Variants in ZSCAN30 observed in about 807,000 individuals in gnomAD.
The protein encoded by ZSCAN30 is zinc finger and SCAN domain containing 30, also known as zinc finger and SCAN domain-containing protein 30.
Under a neutral mutation model 44.3 loss-of-function variants are expected in ZSCAN30, and 37 were observed. The ratio of observed to expected loss-of-function variants is 0.84; its 90% confidence interval spans 0.64 to 1.10. The LOEUF is 1.10. ZSCAN30 is among the 50% of genes least tolerant of loss of function. ZSCAN30 has a pLI of 0.00. For synonymous variants in ZSCAN30, 181 were observed against 204.6 expected, an observed-to-expected ratio of 0.88 and a Z score of 0.98; for missense variants, 549 against 582.6, an observed-to-expected ratio of 0.94 and a Z score of 0.59.
intron 1 of ZSCAN30, chr18:35,283,810 T>G (rs141653189): frequency 6.6e-6 from 1 of 152,414 alleles, no homozygotes; most frequent in African/African-American, 2.4e-5. Context: ...TTGCCTGCAA[T>G]GTGGTGAGCA....
rs1252100416 is a variant in ZSCAN30 at position 35,280,752 on chromosome 18, C to T, written c.-104+9332G>A. The T allele has an allele frequency of 2.6e-5, 4 of 152,204 alleles. No individual in the cohort carries two copies. The East Asian group carries it at 5.8e-4, about 22-fold the overall frequency. 9.4% of individuals were successfully genotyped at this position (152,204 alleles called of 1,614,324 possible). A position where few individuals can be genotyped will look rare whatever the true frequency, so the allele number is the denominator to read the frequency against. On this transcript the variant is annotated intron_variant, in intron 1 of 3. Transcript: ENST00000333206. ...CATAATTTAAAGATCTTATTCACAA[C>T]AAACATGTTAATACTTGTTAATATT... is the stretch of plus-strand genomic sequence containing the variant.
intron 1 of ZSCAN30, among the ~76,000 whole-genome samples, chr18:35,285,790 T>C (rs1021621670): frequency 3.3e-5 from 5 of 150,956 alleles, no homozygotes; most frequent in Non-Finnish European, 7.4e-5. Context: ...CAACTTCCAC[T>C]TAAAGTAACC....
chr18:35,256,148 T>C (rs919520340), intron 3 of ZSCAN30: 1 of 152,418 alleles, frequency 6.6e-6, no homozygotes, highest in Admixed American at 6.5e-5. Context: ...TGTCCTCAGA[T>C]GTATACATCA....
chr18:35,256,021 G>A (rs2043797089), intron 3 of ZSCAN30, among the ~76,000 whole-genome samples: 1 of 152,138 alleles, frequency 6.6e-6, no homozygotes, highest in Non-Finnish European at 1.5e-5. Flanking sequence ...ATATAATTGT[G>A]TAGGGACAAA....
intron 1 of ZSCAN30, among the ~76,000 whole-genome samples, chr18:35,274,357 G>T (rs2044335468): frequency 6.6e-6 from 1 of 152,162 alleles, no homozygotes; most frequent in South Asian, 2.1e-4. Context: ...CTCTTCTAGA[G>T]AGAATCATTG....
At chr18:35,284,924 AG>A (rs1006168297) in intron 1 of ZSCAN30, 1 of 154,916 alleles carries the variant, frequency 6.5e-6, no homozygotes, top group Non-Finnish European at 1.5e-5. Flanking sequence ...CTGGTCTCCA[AG>A]AACACAGGGA....
rs943612561 is a variant in ZSCAN30 at position 35,275,686 on chromosome 18, T to A, written c.-103-11231A>T. ...TCTCTCTCTCCTGGATTCTTCCTGC[T>A]ATCTTTTACACATTACATATCTTTC... On this transcript the variant is annotated intron_variant, in intron 1 of 3. Coordinates refer to ENST00000333206, the MANE Select transcript of ZSCAN30 (RefSeq NM_001112734.4). Among the ~76,000 whole-genome samples, 7 of 152,344 alleles carry A rather than the reference T, an allele frequency of 4.6e-5. No individual in the cohort carries two copies. The Middle Eastern group carries it at 0.02, about 444-fold the overall frequency.
At position 35,251,525 on chromosome 18, in the gene ZSCAN30, C is replaced by T. The variant is rs1374804045; in HGVS notation, c.*1925G>A. ...ACAACAGCAGTGATATGGTTTGGCT[C>T]TTGTGTCCCCACCCAAATCTCCAAT... On this transcript the variant is annotated 3_prime_UTR_variant, in exon 4 of 4. Transcript: ENST00000333206. 1 of 152,160 alleles carries T rather than the reference C, an allele frequency of 6.6e-6. No individual in the cohort carries two copies. The highest frequency in any genetic ancestry group is 2.4e-5 in the African/African-American group (1 of 41,416). 9.4% of individuals were successfully genotyped at this position (152,160 alleles called of 1,614,324 possible).
intron 1 of ZSCAN30, among the ~76,000 whole-genome samples, chr18:35,288,777 G>A (rs868068067): frequency 1.3e-5 from 2 of 152,320 alleles, no homozygotes; most frequent in Middle Eastern, 6.8e-3. Context: ...CTGACCAGTG[G>A]AGGGGGCATT....
Position 35,252,623 on chromosome 18 carries a change from T to C in ZSCAN30, c.*827A>G, listed in dbSNP as rs2043638940. The C allele has an allele frequency of 6.6e-6, 1 of 152,202 alleles. No homozygotes were observed. The highest frequency in any genetic ancestry group is 2.4e-5 in the African/African-American group (1 of 41,452). The allele number at this position is 152,202 out of a possible 1,614,324, so 9.4% of individuals were successfully genotyped here. A position where few individuals can be genotyped will look rare whatever the true frequency, so the allele number is the denominator to read the frequency against. On this transcript the variant is annotated 3_prime_UTR_variant, in exon 4 of 4. Transcript: ENST00000333206. ...GCTACCTTCTACCCACCTTTATGTC[T>C]GAGATACCATCATATCCAGGAAGTC...
chr18:35,272,472 C>T (rs957314133), intron 1 of ZSCAN30, among the ~76,000 whole-genome samples: 1 of 151,818 alleles, frequency 6.6e-6, no homozygotes, highest in Non-Finnish European at 1.5e-5. Context: ...CTCATCCTAG[C>T]TGGGATTACA....
In ZSCAN30 at chr18:35,257,981, T is replaced by G. The variant is rs374738187; in HGVS notation, c.554-3600A>C. On this transcript the variant is annotated intron_variant, in intron 3 of 3. Transcript: ENST00000333206. ...AATCACCTGCACCCAAATCTCCATC[T>G]CAGGCGCTACTTCTGGCAAGGCATA... is the stretch of plus-strand genomic sequence containing the variant. The G allele has an allele frequency of 9.0e-6, 7 of 780,890 alleles. No individual in the cohort carries two copies. The East Asian group carries it at 1.2e-4, about 14-fold the overall frequency. 48.4% of individuals were successfully genotyped at this position (780,890 alleles called of 1,614,324 possible).
At chr18:35,288,530 C>T (rs1264104110) in intron 1 of ZSCAN30, among the ~76,000 whole-genome samples, 1 of 152,116 alleles carries the variant, frequency 6.6e-6, no homozygotes, top group Non-Finnish European at 1.5e-5. Context: ...TTACTTGTAA[C>T]AGTAAAAACC....
rs868652746 is a variant in ZSCAN30, at chr18:35,271,840, C to T, written c.-103-7385G>A. Among the ~76,000 whole-genome samples, 43 of 152,326 alleles carry T rather than the reference C, an allele frequency of 2.8e-4. No individual in the cohort carries two copies. In the East Asian group the frequency reaches 5.2e-3, roughly 18 times the overall value. ...AGGCCCAGCAAGAATTTGATTGTGG[C>T]GCAGGCAGTTCTGTGGGACCCCGCG... On this transcript the variant is annotated intron_variant, in intron 1 of 3. Transcript: ENST00000333206.
intron 3 of ZSCAN30, chr18:35,258,526 CCAAA>C (rs964470467): frequency 1.3e-5 from 2 of 155,112 alleles, no homozygotes; most frequent in Non-Finnish European, 1.4e-5. Context: ...GGCAAGATAT[CCAAA>C]CAGACAGAAC....
chr18:35,263,418 A>G, intron 3 of ZSCAN30, 95 bp downstream of exon 3: 2 of 1,510,886 alleles, frequency 1.3e-6, no homozygotes, highest in Non-Finnish European at 1.8e-6. Context: ...ATACTTAGTG[A>G]TAGCCACAAG....
chr18:35,268,166 G>A (rs4799379), intron 1 of ZSCAN30: 124,594 of 152,254 alleles, frequency 0.82, 51,924 homozygotes, highest in Non-Finnish European at 0.9. Context: ...GAATTGGCCC[G>A]GCATCTTAGC....
intron 1 of ZSCAN30, among the ~76,000 whole-genome samples, chr18:35,278,709 TAAG>T (rs1177943021): frequency 6.6e-6 from 1 of 152,178 alleles, no homozygotes; most frequent in Non-Finnish European, 1.5e-5. Flanking sequence ...TATTTTACCA[TAAG>T]AAGGAAGGAA....
rs543511491 is a variant in ZSCAN30, at chr18:35,265,450, G to A, written c.-103-995C>T. The stretch of plus-strand genomic sequence containing the variant: ...GTAATTTGTCCAAGGCTACAAACTG[G>A]TAAATAGCAAAGTCGAGACATGAAC... On this transcript the variant is annotated intron_variant, in intron 1 of 3. Coordinates refer to ENST00000333206, the MANE Select transcript of ZSCAN30 (RefSeq NM_001112734.4). Among the ~76,000 whole-genome samples the A allele has an allele frequency of 7.4e-4, 112 of 152,268 alleles. 1 individual carries two copies. The highest frequency in any genetic ancestry group is 1.3e-3 in the Non-Finnish European group (89 of 68,024).
Sources: gnomAD v4.1 joint callset for allele counts (sites outside exome capture counted in the v4.1 genomes callset) on GRCh38, gnomAD v4.1.1 for gene constraint, MANE v1.5 for transcripts, NCBI Gene and HGNC (gene_info 2026-07-23, HGNC 2026-07-21) for gene names.